FAM13A: variants seen among roughly 807,000 people sequenced by gnomAD.
The protein encoded by FAM13A is protein FAM13A.
In FAM13A, 76 loss-of-function variants were observed where a neutral mutation model predicts 129.6. The observed-to-expected ratio is 0.59, with a 90% CI of 0.49 to 0.71. The LOEUF (loss-of-function observed/expected upper bound fraction) is 0.71. Ranked by LOEUF, FAM13A falls within the 30% of genes least tolerant of loss-of-function variation. The pLI, the probability that FAM13A is intolerant of heterozygous loss-of-function variation, is 0.00. For synonymous variants in FAM13A, 443 were observed against 449.9 expected, an observed-to-expected ratio of 0.98 and a Z score of 0.20; for missense variants, 1,108 against 1,249.3, an observed-to-expected ratio of 0.89 and a Z score of 1.70.
intron 5 of FAM13A, among the ~76,000 whole-genome samples, chr4:88,918,870 T>C (rs920706096): frequency 2.6e-5 from 4 of 152,180 alleles, no homozygotes; most frequent in Admixed American, 6.5e-5. Context: ...GACAAGCCAA[T>C]TCTAGGCCTG....
At chr4:89,005,402 A>T (rs188146262) in intron 3 of FAM13A, among the ~76,000 whole-genome samples, 1 of 152,232 alleles carries the variant, frequency 6.6e-6, no homozygotes, top group African/African-American at 2.4e-5. Context: ...TTTATGGTAA[A>T]ATGATTTCTA....
intron 5 of FAM13A, among the ~76,000 whole-genome samples, chr4:88,934,434 T>C (rs1423677083): frequency 6.6e-6 from 1 of 152,214 alleles, no homozygotes; most frequent in East Asian, 1.9e-4. Flanking sequence ...GTATAGTCCA[T>C]GGTCCATTAT....
Position 88,951,094 on chromosome 4 carries a change from C to T in FAM13A, c.606-12853G>A, listed in dbSNP as rs1756878527. On this transcript the variant is annotated intron_variant, in intron 4 of 23. Coordinates refer to ENST00000264344, the MANE Select transcript of FAM13A (RefSeq NM_014883.4). ...GGCTTAAGGGCCAGAACAACCGTGCCCCTGGGCTGCTGCTGTTTATTATAT... is the reference window on the plus strand; with the variant it reads ...GGCTTAAGGGCCAGAACAACCGTGCTCCTGGGCTGCTGCTGTTTATTATAT... Among the ~76,000 whole-genome samples the T allele has an allele frequency of 2.0e-5, 3 of 152,134 alleles. No homozygotes were observed. The South Asian group carries it at 6.2e-4, about 32-fold the overall frequency.
At chr4:88,856,683 G>A (rs1404743020) in intron 6 of FAM13A, among the ~76,000 whole-genome samples, 4 of 152,166 alleles carry the variant, frequency 2.6e-5, no homozygotes, top group East Asian at 1.9e-4. Context: ...AAAAGAAGTA[G>A]CACTAACTTT....
At chr4:88,925,725 A>G (rs1752029431) in intron 5 of FAM13A, among the ~76,000 whole-genome samples, 1 of 151,992 alleles carries the variant, frequency 6.6e-6, no homozygotes, top group Non-Finnish European at 1.5e-5. Context: ...TAAAAATAAA[A>G]AAAGAGAAAT....
At chr4:89,052,267 C>T (rs368331085) in intron 1 of FAM13A, among the ~76,000 whole-genome samples, 9 of 26,372 alleles carry the variant, frequency 3.4e-4, no homozygotes, top group South Asian at 1.0e-3. Context: ...TTTTTTTTTT[C>T]TTTTTTCTTT....
intron 4 of FAM13A, among the ~76,000 whole-genome samples, chr4:88,951,619 C>A (rs1277279909): frequency 6.6e-6 from 1 of 152,132 alleles, no homozygotes; most frequent in African/African-American, 2.4e-5. Context: ...GGGTCCAAGA[C>A]ATAACAATAC....
chr4:88,736,292 G>A (rs1738965726), intron 21 of FAM13A: 2 of 152,310 alleles, frequency 1.3e-5, no homozygotes, highest in South Asian at 2.1e-4. Context: ...GGCATATGAT[G>A]TATCAAGATC....
chr4:88,986,255 T>A (rs953784580), intron 4 of FAM13A, among the ~76,000 whole-genome samples: 3 of 152,006 alleles, frequency 2.0e-5, no homozygotes, highest in Non-Finnish European at 4.4e-5. Flanking sequence ...TGCCTCAGCC[T>A]CTCAAGTAGC....
At chr4:88,853,494 A>G (rs1335795995) in intron 6 of FAM13A, among the ~76,000 whole-genome samples, 1 of 152,208 alleles carries the variant, frequency 6.6e-6, no homozygotes, top group Non-Finnish European at 1.5e-5. Flanking sequence ...TTTTCATAAG[A>G]GTAGACATGA....
chr4:88,740,872 T>A (rs1740097065), intron 19 of FAM13A, among the ~76,000 whole-genome samples: 1 of 152,226 alleles, frequency 6.6e-6, no homozygotes, highest in African/African-American at 2.4e-5. Flanking sequence ...GCTTCTACTA[T>A]GTACTATACC....
At chr4:88,940,855 G>A (rs891350681) in intron 4 of FAM13A, among the ~76,000 whole-genome samples, 3 of 152,162 alleles carry the variant, frequency 2.0e-5, no homozygotes, top group African/African-American at 7.2e-5. Flanking sequence ...TTCTTATAAT[G>A]AAGTGAATCT....
chr4:88,845,802 G>A (rs1475448335), intron 7 of FAM13A, among the ~76,000 whole-genome samples: 3 of 152,106 alleles, frequency 2.0e-5, no homozygotes, highest in Non-Finnish European at 1.5e-5. Context: ...TCTAAATAAT[G>A]AAAAAGTATT....
chr4:88,743,460 G>A (rs544607878), intron 19 of FAM13A, among the ~76,000 whole-genome samples: 2 of 152,248 alleles, frequency 1.3e-5, no homozygotes, highest in South Asian at 4.1e-4. Flanking sequence ...GAAATATTAA[G>A]AGCTAGAAAA....
chr4:88,976,492 T>C (rs1032550776), intron 4 of FAM13A, among the ~76,000 whole-genome samples: 5 of 152,118 alleles, frequency 3.3e-5, no homozygotes, highest in African/African-American at 1.2e-4. Context: ...ATATATTGTA[T>C]ATTTCTTCCT....
At position 88,758,805 on chromosome 4, in the gene FAM13A, C is replaced by G. The variant is rs772498914; in HGVS notation, c.1675G>C (p.Glu559Gln). 6.2e-6 allele frequency: 10 copies of G among 1,613,908 alleles called. No homozygotes were observed. In the African/African-American group the frequency reaches 1.1e-4, roughly 17 times the overall value. The change falls in exon 14 of 24, where the codon GAA (glutamate) becomes CAA (glutamine). Residue 559 changes from glutamate (E) to glutamine (Q), a missense_variant. Glu to Gln is a conservative substitution (Grantham distance 29, BLOSUM62 2). Transcript: ENST00000264344. Reference sequence around the variant, plus strand: ...GCAGTCAGGTCCGACTGGGGCACTTCGGAGACAAAGCTCTCCTCCTGGTCA... The same window carrying G: ...GCAGTCAGGTCCGACTGGGGCACTTGGGAGACAAAGCTCTCCTCCTGGTCA... ...AGDQEESFVSEVPQSDLTALC... is the reference protein window; with the variant it reads ...AGDQEESFVSQVPQSDLTALC...
intron 4 of FAM13A, among the ~76,000 whole-genome samples, chr4:88,949,179 G>A (rs960729723): frequency 2.6e-5 from 4 of 151,950 alleles, no homozygotes; most frequent in Non-Finnish European, 2.9e-5. Context: ...CTTAATCTAA[G>A]TCATTAATAA....
intron 5 of FAM13A, among the ~76,000 whole-genome samples, chr4:88,917,493 A>C (rs2148698150): frequency 6.6e-6 from 1 of 152,216 alleles, no homozygotes; most frequent in East Asian, 1.9e-4. Flanking sequence ...AGCCAACTCT[A>C]ATTCAAGTTA....
intron 5 of FAM13A, among the ~76,000 whole-genome samples, chr4:88,929,096 G>A (rs561739772): frequency 1.3e-5 from 2 of 152,074 alleles, no homozygotes. Flanking sequence ...CAGATTGTCT[G>A]AGCATTTGCT....
Sources: allele counts gnomAD v4.1 joint callset (sites outside exome capture counted in the v4.1 genomes callset), GRCh38; gene constraint gnomAD v4.1.1; transcripts MANE v1.5; gene names NCBI Gene and HGNC (gene_info 2026-07-23, HGNC 2026-07-21).